INSYN2B: variants seen among roughly 807,000 people sequenced by gnomAD.
The protein encoded by INSYN2B is inhibitory synaptic factor family member 2B.
Under a neutral mutation model 41.2 loss-of-function variants are expected in INSYN2B, and 16 were observed. The observed-to-expected ratio is 0.39, with a 90% confidence interval of 0.26 to 0.59. INSYN2B has a LOEUF of 0.59. Ranked by LOEUF, INSYN2B falls within the 20% of genes least tolerant of loss-of-function variation. INSYN2B has a pLI of 0.57. For missense variants in INSYN2B, 608 were observed against 646.4 expected (o/e 0.94, Z 0.64); for synonymous variants, 245 against 244.4 (o/e 1.00, Z -0.02).
intron 1 of INSYN2B, among the ~76,000 whole-genome samples, chr5:169,959,481 T>A (rs1283453497): frequency 2.6e-5 from 4 of 152,194 alleles, no homozygotes; most frequent in African/African-American, 9.7e-5. Flanking sequence ...AAAAGAAGTT[T>A]ATGGTTCAAC....
chr5:169,888,236 A>G (rs893837500), intron 1 of INSYN2B, among the ~76,000 whole-genome samples: 3 of 152,144 alleles, frequency 2.0e-5, no homozygotes, highest in Non-Finnish European at 4.4e-5. Flanking sequence ...GGCTAAAAGC[A>G]CCCTCTGGAG....
intron 1 of INSYN2B, among the ~76,000 whole-genome samples, chr5:169,921,378 G>A (rs1454078585): frequency 2.0e-5 from 3 of 152,106 alleles, no homozygotes; most frequent in Non-Finnish European, 4.4e-5. Flanking sequence ...CAGCATAGGG[G>A]TCTTCCAGAA....
At chr5:169,930,153 G>A (rs373039841) in intron 1 of INSYN2B, among the ~76,000 whole-genome samples, 2 of 152,224 alleles carry the variant, frequency 1.3e-5, no homozygotes, top group African/African-American at 2.4e-5. Context: ...ACCATGCCCA[G>A]CTAATTTTTT....
At chr5:169,936,716 A>G (rs1204811019) in intron 1 of INSYN2B, among the ~76,000 whole-genome samples, 1 of 151,690 alleles carries the variant, frequency 6.6e-6, no homozygotes, top group Non-Finnish European at 1.5e-5. Flanking sequence ...GCTCCAGCCT[A>G]TATAGATTTG....
chr5:169,928,119 G>C (rs993275254), intron 1 of INSYN2B, among the ~76,000 whole-genome samples: 6 of 152,182 alleles, frequency 3.9e-5, no homozygotes, highest in African/African-American at 1.4e-4. Flanking sequence ...GGTTCCTTCA[G>C]GCCTTCCCAG....
At chr5:169,904,203 G>A (rs768455728) in intron 1 of INSYN2B, among the ~76,000 whole-genome samples, 1 of 151,620 alleles carries the variant, frequency 6.6e-6, no homozygotes, top group Non-Finnish European at 1.5e-5. Context: ...CCTAGCCTTT[G>A]GCAAGAAGCC....
At chr5:169,957,702 C>G (rs932571801) in intron 1 of INSYN2B, among the ~76,000 whole-genome samples, 3 of 152,176 alleles carry the variant, frequency 2.0e-5, no homozygotes, top group African/African-American at 7.2e-5. Context: ...TTCAGCTCCC[C>G]AGAGTACCCT....
At chr5:169,895,192 T>C (rs1406866947) in intron 1 of INSYN2B, among the ~76,000 whole-genome samples, 1 of 152,340 alleles carries the variant, frequency 6.6e-6, no homozygotes, top group Non-Finnish European at 1.5e-5. Context: ...TGACAAAGGA[T>C]ATCCTTTTTC....
intron 1 of INSYN2B, among the ~76,000 whole-genome samples, chr5:169,953,988 T>TA (rs953305387): frequency 6.6e-6 from 1 of 152,174 alleles, no homozygotes; most frequent in African/African-American, 2.4e-5. Flanking sequence ...TGGCACAGAG[T>TA]AAGTGATTTA....
intron 1 of INSYN2B, among the ~76,000 whole-genome samples, chr5:169,889,971 G>T (rs1487599652): frequency 1.3e-5 from 2 of 151,726 alleles, no homozygotes; most frequent in African/African-American, 4.9e-5. Context: ...AACCTTTACT[G>T]TTTACACCAC....
chr5:169,952,689 A>G (rs1776708579), intron 1 of INSYN2B, among the ~76,000 whole-genome samples: 1 of 152,182 alleles, frequency 6.6e-6, no homozygotes, highest in Non-Finnish European at 1.5e-5. Flanking sequence ...TCCCGTGGAT[A>G]TCATGCTCCA....
chr5:169,878,482 G>A (rs1365851498), intron 3 of INSYN2B, among the ~76,000 whole-genome samples: 2 of 152,194 alleles, frequency 1.3e-5, no homozygotes, highest in Non-Finnish European at 2.9e-5. Context: ...AAGTAAAAAT[G>A]ATTGTATTCT....
At chr5:169,881,681 G>C (rs903872381) in intron 2 of INSYN2B, among the ~76,000 whole-genome samples, 15 of 152,192 alleles carry the variant, frequency 9.9e-5, no homozygotes, top group African/African-American at 3.6e-4. Flanking sequence ...CAACAATCCT[G>C]TTGTGAGATG....
chr5:169,899,225 C>T (rs1773784277), intron 1 of INSYN2B, among the ~76,000 whole-genome samples: 1 of 152,270 alleles, frequency 6.6e-6, no homozygotes, highest in South Asian at 2.1e-4. Flanking sequence ...CTGAATTGAA[C>T]CACAGCCTCC....
intron 1 of INSYN2B, among the ~76,000 whole-genome samples, chr5:169,943,901 G>A (rs1013679435): frequency 3.3e-5 from 5 of 152,222 alleles, no homozygotes; most frequent in Admixed American, 1.3e-4. Context: ...TGCTTCTAAT[G>A]TCATCTTTGC....
chr5:169,919,889 T>C (rs561986087), intron 1 of INSYN2B, among the ~76,000 whole-genome samples: 1 of 152,346 alleles, frequency 6.6e-6, no homozygotes, highest in South Asian at 2.1e-4. Context: ...TTAGTATTAG[T>C]GGAAAGGATT....
At position 169,882,646 on chromosome 5, in the gene INSYN2B, G is replaced by T; in HGVS notation, c.1253C>A (p.Ser418Tyr). The change falls in exon 2 of 4, where the codon TCT becomes TAT. Residue 418 changes from serine to tyrosine, a missense_variant. By Grantham distance (144) the Ser-to-Tyr change is moderately radical (BLOSUM62 -2). Transcript: ENST00000377365. ...ELCDLQGRLQ[S>Y]VEESLHSNQE... The stretch of plus-strand genomic sequence containing the variant: ...GTTCGAGTGCAGAGATTCCTCCACA[G>T]ATTGCAGTCGGCCTTGGAGGTCGCA... The T allele has an allele frequency of 6.4e-7, 1 of 1,552,044 alleles. No homozygotes were observed. Among genetic ancestry groups the T allele is most frequent in the Non-Finnish European group, 8.7e-7 (1 of 1,147,020 alleles).
In INSYN2B at chr5:169,936,265, T is replaced by C. The variant is rs557819552; in HGVS notation, c.-919+44012A>G. On this transcript the variant is annotated intron_variant, in intron 1 of 3. Transcript: ENST00000377365. ...TCCGTGCATGGTTCTACAGACAAGA[T>C]AATGTCCGTGCTTCAACGACAGAGA... Among the ~76,000 whole-genome samples the C allele has an allele frequency of 1.3e-3, 199 of 152,322 alleles. 3 individuals are homozygous for C. In the South Asian group the frequency reaches 0.04, roughly 30 times the overall value.
chr5:169,979,019 A>G (rs1329521594), intron 1 of INSYN2B, among the ~76,000 whole-genome samples: 2 of 152,212 alleles, frequency 1.3e-5, no homozygotes, highest in South Asian at 2.1e-4. Flanking sequence ...GCAATTTCCC[A>G]TCCTGGCATG....
Sources: gnomAD v4.1 joint callset for allele counts (sites outside exome capture counted in the v4.1 genomes callset) on GRCh38, gnomAD v4.1.1 for gene constraint, MANE v1.5 for transcripts, NCBI Gene and HGNC (gene_info 2026-07-23, HGNC 2026-07-21) for gene names.